The following LSM14A variants were observed in gnomAD, a reference collection of about 807,000 sequenced individuals.
LSM14A encodes the protein LSM14A mRNA processing body assembly factor.
LSM14A carries 14 observed loss-of-function variants against 52.4 expected under a neutral mutation model. That is an observed-to-expected ratio of 0.27 (90% confidence interval 0.18 to 0.42). LSM14A has a LOEUF of 0.42. Ranked by LOEUF, LSM14A falls within the 10% of genes least tolerant of loss-of-function variation. LSM14A has a pLI of 1.00. For missense variants in LSM14A, 417 were observed against 581.8 expected (o/e 0.72, Z 2.91); for synonymous variants, 185 against 200.3 (o/e 0.92, Z 0.64).
Position 34,172,576 on chromosome 19 carries a change from C to T in LSM14A, c.-67C>T. The T allele has an allele frequency of 1.4e-6, 2 of 1,459,062 alleles. 1 individual carries two copies. Among genetic ancestry groups the T allele is most frequent in the South Asian group, 2.7e-5 (2 of 73,576 alleles). 90.4% of individuals were successfully genotyped at this position (1,459,062 alleles called of 1,614,324 possible). On this transcript the variant is annotated 5_prime_UTR_variant, in exon 1 of 10. Coordinates refer to ENST00000544216, the MANE Select transcript of LSM14A (RefSeq NM_015578.4). Reference sequence around the variant, plus strand: ...GGCGCCGACGGAGCGAGCGGGCGTGCGGAGCGGGCGACAGTGGCGTGGGAT... The same window carrying T: ...GGCGCCGACGGAGCGAGCGGGCGTGTGGAGCGGGCGACAGTGGCGTGGGAT...
At position 34,228,227 on chromosome 19, in the gene LSM14A, A is replaced by G. The variant is rs2073441052; in HGVS notation, c.*839A>G. The G allele has an allele frequency of 6.6e-6, 1 of 152,622 alleles. No individual in the cohort carries two copies. Among genetic ancestry groups the G allele is most frequent in the Admixed American group, 6.5e-5 (1 of 15,274 alleles). The allele number at this position is 152,622 out of a possible 1,614,324, so 9.5% of individuals were successfully genotyped here. On this transcript the variant is annotated 3_prime_UTR_variant, in exon 10 of 10. Coordinates refer to ENST00000544216, the MANE Select transcript of LSM14A (RefSeq NM_015578.4). The stretch of plus-strand genomic sequence containing the variant: ...TTTGGAACATAAATGAAGATTTGAT[A>G]CATTATTTCATTATCTAAAAAGGAT...
chr19:34,219,844 CCTT>C lies in LSM14A; in HGVS notation c.1107_1109del (p.Phe370del). On this transcript the variant is annotated inframe_deletion, in exon 8 of 10. Coordinates refer to ENST00000544216, the MANE Select transcript of LSM14A (RefSeq NM_015578.4). ...AATTGCTATTATGACAAAACTAAAT[CCTT>C]CTTTGATAATATTTCTTGTGATGAC... 3.7e-6 allele frequency: 6 copies of C among 1,612,078 alleles called. No individual in the cohort carries two copies. The highest frequency in any genetic ancestry group is 2.5e-6 in the Non-Finnish European group (3 of 1,178,562).
chr19:34,196,630 T>G lies in LSM14A; in HGVS notation c.286-4T>G, dbSNP rs756821133. 4.3e-5 allele frequency: 68 copies of G among 1,587,648 alleles called. No individual in the cohort carries two copies. Among genetic ancestry groups the G allele is most frequent in the Non-Finnish European group, 5.1e-6 (6 of 1,171,844 alleles). ...TGGAAACATAACTCATGATTTTCCT[T>G]CAGTCCTCACTAGGCTCATCGACTT... On this transcript the variant is annotated splice_polypyrimidine_tract_variant and splice_region_variant and intron_variant, in intron 2 of 9. Transcript: ENST00000544216.
chr19:34,188,490 A>G (rs2145583577), intron 1 of LSM14A, among the ~76,000 whole-genome samples: 1 of 152,292 alleles, frequency 6.6e-6, no homozygotes, highest in African/African-American at 2.4e-5. Context: ...ATTAACCATT[A>G]TATTGTGTAC....
chr19:34,178,467 T>G (rs532871305), intron 1 of LSM14A, among the ~76,000 whole-genome samples: 7 of 152,320 alleles, frequency 4.6e-5, no homozygotes, highest in Non-Finnish European at 8.8e-5. Context: ...TGTTGCAGTT[T>G]GTTTCTGCAG....
chr19:34,218,227 A>G (rs545412329), intron 6 of LSM14A, among the ~76,000 whole-genome samples: 97 of 152,018 alleles, frequency 6.4e-4, no homozygotes, highest in African/African-American at 2.2e-3. Flanking sequence ...GCTGGTCTCG[A>G]GCTCCTGACC....
intron 8 of LSM14A, chr19:34,221,223 C>G (rs1251041871): frequency 1.4e-5 from 5 of 364,136 alleles, no homozygotes; most frequent in Admixed American, 1.2e-4. Flanking sequence ...GCTGGGATTA[C>G]AGGCACCTGC....
At chr19:34,209,409 A>G (rs1454882177) in intron 4 of LSM14A, among the ~76,000 whole-genome samples, 1 of 152,204 alleles carries the variant, frequency 6.6e-6, no homozygotes, top group East Asian at 1.9e-4. Context: ...TCTGAAAAAA[A>G]CTGTATTATG....
intron 1 of LSM14A, among the ~76,000 whole-genome samples, chr19:34,181,167 T>A: frequency 6.6e-6 from 1 of 152,322 alleles, no homozygotes; most frequent in African/African-American, 2.4e-5. Flanking sequence ...TTGTCCCCTC[T>A]TGGTGATTCA....
At chr19:34,194,385 T>G (rs1323357947) in intron 1 of LSM14A, 93 bp from the exon 2 acceptor site, 1 of 1,135,570 alleles carries the variant, frequency 8.8e-7, no homozygotes, top group Non-Finnish European at 1.3e-6. Flanking sequence ...TCAGAACTAC[T>G]GCTTAGTACT....
chr19:34,194,645 A>G lies in LSM14A; in HGVS notation c.285+4A>G. 6.2e-7 allele frequency: 1 copy of G among 1,613,986 alleles called. No individual in the cohort carries two copies. The highest frequency in any genetic ancestry group is 1.3e-5 in the African/African-American group (1 of 75,010). ...TCAAGACCCAGCTATTGTTCAGGTA[A>G]CTGATGGTAAATTTGTCTTGGAGTA... is the stretch of plus-strand genomic sequence containing the variant. On this transcript the variant is annotated splice_donor_region_variant and intron_variant, in intron 2 of 9. Transcript: ENST00000544216.
At chr19:34,221,961 C>A in intron 9 of LSM14A, 1 of 589,924 alleles carries the variant, frequency 1.7e-6, no homozygotes, top group Non-Finnish European at 2.1e-6. Flanking sequence ...ACAGAATATA[C>A]TTTTAACACC....
At chr19:34,199,423 A>G (rs2071126993) in intron 3 of LSM14A, among the ~76,000 whole-genome samples, 1 of 152,142 alleles carries the variant, frequency 6.6e-6, no homozygotes, top group South Asian at 2.1e-4. Flanking sequence ...GAGCCACTGC[A>G]CCCAGCCAGG....
intron 4 of LSM14A, among the ~76,000 whole-genome samples, chr19:34,213,722 G>A (rs1194391097): frequency 1.3e-5 from 2 of 152,114 alleles, no homozygotes; most frequent in Non-Finnish European, 1.5e-5. Flanking sequence ...GTGACCAGGC[G>A]ACCTCATAAA....
intron 1 of LSM14A, among the ~76,000 whole-genome samples, chr19:34,177,834 A>G (rs532539120): frequency 6.6e-6 from 1 of 152,160 alleles, no homozygotes; most frequent in Admixed American, 6.6e-5. Flanking sequence ...AGGAGCTGTG[A>G]TCATGCCACT....
Position 34,215,279 on chromosome 19 carries a change from G to C in LSM14A, c.694G>C (p.Glu232Gln). The C allele has an allele frequency of 6.2e-7, 1 of 1,613,138 alleles. No homozygotes were observed. Among genetic ancestry groups the C allele is most frequent in the Non-Finnish European group, 8.5e-7 (1 of 1,179,708 alleles). The change falls in exon 5 of 10, where the codon GAG (glutamate) becomes CAG (glutamine). Residue 232 changes from glutamate to glutamine, a missense_variant. Glu to Gln is a conservative substitution (Grantham distance 29). Transcript: ENST00000544216. ...GCCATCTGCCAGCCAAAAGGCAGGA[G>C]AGAATCAGGAGCACAGGCGAGGTAG... ...PLPSASQKAG[E>Q]NQEHRRAEVH...
intron 4 of LSM14A, among the ~76,000 whole-genome samples, chr19:34,211,627 A>AAAATTTT (rs2072159597): frequency 6.6e-6 from 1 of 152,108 alleles, no homozygotes; most frequent in African/African-American, 2.4e-5. Flanking sequence ...TCTCTACCAA[A>AAAATTTT]AAATTTTAAA....
At chr19:34,205,662 A>T (rs2071642684) in intron 3 of LSM14A, among the ~76,000 whole-genome samples, 1 of 152,006 alleles carries the variant, frequency 6.6e-6, no homozygotes, top group Admixed American at 6.6e-5. Context: ...AGCCTGGGTG[A>T]CAGAGTGAGA....
At chr19:34,222,479 T>C (rs558023318) in intron 9 of LSM14A, among the ~76,000 whole-genome samples, 4 of 152,338 alleles carry the variant, frequency 2.6e-5, no homozygotes, top group East Asian at 3.9e-4. Context: ...CAGTAAACTA[T>C]CTTAGTTTAT....
Sources: allele counts gnomAD v4.1 joint callset (sites outside exome capture counted in the v4.1 genomes callset), GRCh38; gene constraint gnomAD v4.1.1; transcripts MANE v1.5; gene names NCBI Gene and HGNC (gene_info 2026-07-23, HGNC 2026-07-21).